Variants in ADGRG4 observed in about 807,000 individuals in gnomAD.
The protein encoded by ADGRG4 is G protein-coupled receptor 112.
A neutral mutation model predicts 126.2 loss-of-function variants in ADGRG4; 122 were observed. The ratio of observed to expected loss-of-function variants is 0.97; its 90% CI spans 0.83 to 1.12. The LOEUF (loss-of-function observed/expected upper bound fraction) is 1.12. ADGRG4 is among the 50% of genes most tolerant of loss of function. The probability of loss-of-function intolerance (pLI) is 0.00; values close to 1 mark genes in which losing one functional copy is unlikely to be tolerated. For synonymous variants in ADGRG4, 943 were observed against 838.7 expected, an observed-to-expected ratio of 1.12 and a Z score of -2.15; for missense variants, 2,481 against 2,251.8, an observed-to-expected ratio of 1.10 and a Z score of -2.06.
Position 136,357,690 on chromosome X carries a change from T to C in ADGRG4, c.6928-14T>C. On this transcript the variant is annotated splice_polypyrimidine_tract_variant and intron_variant, in intron 9 of 25. Transcript: ENST00000394143. The stretch of plus-strand genomic sequence containing the variant: ...TAAAGATTTCAGTGACTATGTACTT[T>C]TCTTTTGCATTAGTTGGAACAGAGA... 3 of 1,158,874 alleles carry C rather than the reference T, an allele frequency of 2.6e-6. No homozygotes were observed. Among genetic ancestry groups the C allele is most frequent in the African/African-American group, 1.8e-5 (1 of 56,938 alleles).
chrX:136,381,234 T>C (rs1009182724), intron 15 of ADGRG4, among the ~76,000 whole-genome samples: 10 of 111,039 alleles, frequency 9.0e-5, no homozygotes, highest in African/African-American at 3.0e-4. Context: ...TTACAAGTAT[T>C]TGGGGGCTAT....
In ADGRG4 at chrX:136,405,838, T is replaced by C; in HGVS notation, c.8801T>C (p.Met2934Thr). The C allele has an allele frequency of 1.7e-6, 2 of 1,210,727 alleles. No individual in the cohort carries two copies. Among genetic ancestry groups the C allele is most frequent in the African/African-American group, 3.5e-5 (2 of 57,803 alleles). The change falls in exon 23 of 26, where the codon ATG (methionine) becomes ACG (threonine). Residue 2934 changes from methionine to threonine, a missense_variant. By Grantham distance (81) the Met-to-Thr change is moderately conservative. Coordinates refer to ENST00000394143, the MANE Select transcript of ADGRG4 (RefSeq NM_153834.4). ...KSQIQKTRRKMILHDLKGTMS... is the reference protein window; with the variant it reads ...KSQIQKTRRKTILHDLKGTMS... ...CAAATCCAGAAGACTCGGCGGAAGA[T>C]GATCCTGCATGACCTCAAAGGCACA... is the stretch of plus-strand genomic sequence containing the variant.
intron 4 of ADGRG4, among the ~76,000 whole-genome samples, chrX:136,313,265 C>T (rs1051112159): frequency 8.9e-6 from 1 of 111,957 alleles, no homozygotes; most frequent in African/African-American, 3.2e-5. Flanking sequence ...ATTTTACATC[C>T]CCACTAGCAG....
intron 5 of ADGRG4, among the ~76,000 whole-genome samples, chrX:136,332,744 C>A (rs1209517633): frequency 2.8e-5 from 3 of 105,267 alleles, no homozygotes; most frequent in East Asian, 3.0e-4. Flanking sequence ...ATTTGCATTT[C>A]TCTGATGGCC....
At position 136,368,115 on chromosome X, in the gene ADGRG4, G is replaced by A. The variant is rs141669324; in HGVS notation, c.7397-3213G>A. On this transcript the variant is annotated intron_variant, in intron 13 of 25. Coordinates refer to ENST00000394143, the MANE Select transcript of ADGRG4 (RefSeq NM_153834.4). ...GCACAGCTGTTCCAACCCCCAACACGGTGGAGAAAACGGCCAAAGTCACAG... is the reference window on the plus strand; with the variant it reads ...GCACAGCTGTTCCAACCCCCAACACAGTGGAGAAAACGGCCAAAGTCACAG... Among the ~76,000 whole-genome samples the A allele has an allele frequency of 5.3e-3, 595 of 111,913 alleles. 2 individuals carry two copies. The highest frequency in any genetic ancestry group is 8.1e-3 in the Non-Finnish European group (433 of 53,160).
intron 21 of ADGRG4, among the ~76,000 whole-genome samples, chrX:136,401,880 G>A (rs1175996081): frequency 1.8e-5 from 2 of 112,029 alleles, no homozygotes; most frequent in Non-Finnish European, 3.8e-5. Flanking sequence ...CAGCCTCCTG[G>A]AGGAGATAGG....
intron 13 of ADGRG4, among the ~76,000 whole-genome samples, chrX:136,366,664 GT>G: frequency 1.8e-5 from 2 of 112,392 alleles, no homozygotes. Context: ...AGCAATGAGA[GT>G]TCCTGTTGTT....
rs745479559 is a variant in ADGRG4, at chrX:136,323,215, G to A, written c.508G>A (p.Glu170Lys). 114 of 1,209,639 alleles carry A rather than the reference G, an allele frequency of 9.4e-5. No homozygotes were observed. Among genetic ancestry groups the A allele is most frequent in the South Asian group, 4.6e-4 (26 of 56,762 alleles). The stretch of plus-strand genomic sequence containing the variant: ...GCACTTTCTCAAGAATGAGAGCAGC[G>A]AGGTTAAAAGCATGATGCGTAGCTT... ...LGHFLKNESS[E>K]VKSMMRSFPG... Residue 170 changes from glutamate to lysine, a missense_variant, in exon 5 of 26, where the codon GAG (glutamate) becomes AAG (lysine). Glu to Lys is a moderately conservative substitution (Grantham distance 56, BLOSUM62 1). Coordinates refer to ENST00000394143, the MANE Select transcript of ADGRG4 (RefSeq NM_153834.4).
At chrX:136,365,756 T>C (rs1000394124) in intron 13 of ADGRG4, among the ~76,000 whole-genome samples, 1 of 112,481 alleles carries the variant, frequency 8.9e-6, no homozygotes, top group Non-Finnish European at 1.9e-5. Context: ...TCTTTTAGAT[T>C]ATGGCTGGTA....
intron 14 of ADGRG4, 77 bp from the exon 15 acceptor site, chrX:136,372,825 A>G: frequency 1.0e-6 from 1 of 996,029 alleles, no homozygotes; most frequent in Non-Finnish European, 1.4e-6. Context: ...AAGTCTTGCA[A>G]TAAGGAAATC....
At chrX:136,304,688 T>C (rs1299812421) in intron 2 of ADGRG4, among the ~76,000 whole-genome samples, 167 bp from the exon 3 acceptor site, 1 of 112,238 alleles carries the variant, frequency 8.9e-6, no homozygotes, top group African/African-American at 3.2e-5. Context: ...GAGCGCCCTC[T>C]ATGTGCCAGG....
At chrX:136,336,324 G>T (rs777735655) in intron 5 of ADGRG4, among the ~76,000 whole-genome samples, 1 of 111,176 alleles carries the variant, frequency 9.0e-6, no homozygotes, top group Non-Finnish European at 1.9e-5. Flanking sequence ...TATATATTCT[G>T]CTATTGTTGA....
chrX:136,337,409 T>C (rs1053044676), intron 5 of ADGRG4, among the ~76,000 whole-genome samples: 1 of 112,597 alleles, frequency 8.9e-6, no homozygotes, highest in Non-Finnish European at 1.9e-5. Flanking sequence ...TGCTCGTTTT[T>C]TCTTTCTCAT....
At position 136,350,006 on chromosome X, in the gene ADGRG4, C is replaced by T. The variant is rs1365305489; in HGVS notation, c.6300C>T (p.Tyr2100=). Reference sequence around the variant, plus strand: ...TAAATGTCACAGATGACATTGTGTACATTTCCACACACCCTGAGGCATCCT... The same window carrying T: ...TAAATGTCACAGATGACATTGTGTATATTTCCACACACCCTGAGGCATCCT... ...MSINVTDDIV[Y]ISTHPEASSR... Residue 2100 remains tyrosine (Y), a synonymous_variant, in exon 6 of 26, where the codon TAC becomes TAT. Coordinates refer to ENST00000394143, the MANE Select transcript of ADGRG4 (RefSeq NM_153834.4). The T allele has an allele frequency of 8.3e-7, 1 of 1,209,675 alleles. No individual in the cohort carries two copies. Among genetic ancestry groups the T allele is most frequent in the Admixed American group, 2.2e-5 (1 of 45,936 alleles).
intron 1 of ADGRG4, among the ~76,000 whole-genome samples, chrX:136,301,916 G>A (rs1417151755): frequency 3.6e-5 from 4 of 111,691 alleles, no homozygotes; most frequent in Non-Finnish European, 7.5e-5. Context: ...ATTTCTGAGG[G>A]CCCTGTTCTG....
At chrX:136,339,332 C>T (rs1195358903) in intron 5 of ADGRG4, among the ~76,000 whole-genome samples, 1 of 111,392 alleles carries the variant, frequency 9.0e-6, no homozygotes, top group Non-Finnish European at 1.9e-5. Context: ...TCTGAATGGG[C>T]GAGGAAAACC....
chrX:136,356,849 A>C (rs1173058409), intron 9 of ADGRG4, among the ~76,000 whole-genome samples: 1 of 111,094 alleles, frequency 9.0e-6, no homozygotes, highest in East Asian at 2.8e-4. Flanking sequence ...AATAATTTAA[A>C]AATATTAGCC....
rs190525593 is a variant in ADGRG4, at chrX:136,411,973, T to C, written c.8936-292T>C. Among the ~76,000 whole-genome samples the C allele has an allele frequency of 2.7e-5, 3 of 112,960 alleles. No homozygotes were observed. The Admixed American group carries it at 2.8e-4, about 11-fold the overall frequency. On this transcript the variant is annotated intron_variant, in intron 23 of 25. Transcript: ENST00000394143. Reference sequence around the variant, plus strand: ...TGTGGAAGTAAACTACACAAGGATGTCAATGCCAGGATGTGGGGATCATTG... The same window carrying C: ...TGTGGAAGTAAACTACACAAGGATGCCAATGCCAGGATGTGGGGATCATTG...
At chrX:136,407,985 C>T (rs1448763965) in intron 23 of ADGRG4, among the ~76,000 whole-genome samples, 1 of 111,990 alleles carries the variant, frequency 8.9e-6, no homozygotes, top group African/African-American at 3.2e-5. Flanking sequence ...AGACTTCATC[C>T]ACAGTGGTAA....
Sources: allele counts gnomAD v4.1 joint callset (sites outside exome capture counted in the v4.1 genomes callset), GRCh38; gene constraint gnomAD v4.1.1; transcripts MANE v1.5; gene names NCBI Gene and HGNC (gene_info 2026-07-23, HGNC 2026-07-21).